Variants in SERAC1 observed in about 807,000 individuals in gnomAD.
SERAC1 encodes serine active site containing 1.
SERAC1 carries 36 observed loss-of-function variants against 85.7 expected under a neutral mutation model. The observed-to-expected ratio is 0.42, with a 90% CI of 0.32 to 0.55. SERAC1 has a LOEUF of 0.55. Ranked by LOEUF, SERAC1 falls within the 20% of genes least tolerant of loss-of-function variation. SERAC1 has a pLI of 0.11. For synonymous variants in SERAC1, 242 were observed against 265.3 expected (o/e 0.91, Z 0.85); for missense variants, 629 against 796.2 (o/e 0.79, Z 2.53).
chr6:158,165,681 G>T (rs1027992062), intron 1 of SERAC1, among the ~76,000 whole-genome samples: 2 of 152,102 alleles, frequency 1.3e-5, no homozygotes, highest in Non-Finnish European at 2.9e-5. Flanking sequence ...ATTGTAAATG[G>T]TAAATGATCT....
intron 1 of SERAC1, among the ~76,000 whole-genome samples, chr6:158,163,302 C>T (rs576874291): frequency 8.5e-5 from 13 of 152,280 alleles, no homozygotes; most frequent in Admixed American, 2.6e-4. Context: ...TTCCTTTACA[C>T]GAGATATATG....
At chr6:158,121,131 C>T (rs1784412054) in intron 10 of SERAC1, among the ~76,000 whole-genome samples, 1 of 151,652 alleles carries the variant, frequency 6.6e-6, no homozygotes, top group Admixed American at 6.6e-5. Flanking sequence ...GCTATGATTT[C>T]TTTTTTTTAA....
At chr6:158,161,049 G>C (rs988912451) in intron 1 of SERAC1, 13 of 152,118 alleles carry the variant, frequency 8.5e-5, no homozygotes, top group Admixed American at 7.9e-4. Context: ...CTCTCAGCAT[G>C]TCTAAAAATG....
chr6:158,143,979 A>G (rs914646092), intron 7 of SERAC1, among the ~76,000 whole-genome samples: 1 of 152,192 alleles, frequency 6.6e-6, no homozygotes, highest in Non-Finnish European at 1.5e-5. Flanking sequence ...CAAAATGTCA[A>G]TAGTGTTGAG....
At chr6:158,143,351 A>C (rs71551125) in intron 7 of SERAC1, among the ~76,000 whole-genome samples, 167 bp from the exon 8 acceptor site, 3,753 of 33,878 alleles carry the variant, frequency 0.11, 63 homozygotes, top group Non-Finnish European at 0.13. Context: ...CTCTCTCTAT[A>C]TATATATATA....
intron 10 of SERAC1, among the ~76,000 whole-genome samples, chr6:158,121,639 C>A (rs183975378): frequency 2.8e-4 from 42 of 152,224 alleles, no homozygotes; most frequent in African/African-American, 9.4e-4. Flanking sequence ...AAAGAAGCTT[C>A]AGACTCAGTA....
chr6:158,144,529 A>G lies in SERAC1; in HGVS notation c.488-109T>C, dbSNP rs954932020. On this transcript the variant is annotated intron_variant, in intron 6 of 16. Coordinates refer to ENST00000647468, the MANE Select transcript of SERAC1 (RefSeq NM_032861.4). ...CACTCTAATTTTTAAACTGCTCTGC[A>G]AATTTGTAATCCAAAATTTCCCAAG... 4 of 1,059,404 alleles carry G rather than the reference A, an allele frequency of 3.8e-6. No individual in the cohort carries two copies. In the African/African-American group the frequency reaches 6.4e-5, roughly 17 times the overall value. 65.6% of individuals were successfully genotyped at this position (1,059,404 alleles called of 1,614,324 possible).
chr6:158,127,321 G>A (rs1485801165), intron 10 of SERAC1, among the ~76,000 whole-genome samples: 2 of 3,652 alleles, frequency 5.5e-4, no homozygotes, highest in Admixed American at 4.5e-3. Flanking sequence ...GCCCCTACTG[G>A]GAAGTGAGGA....
chr6:158,159,800 A>AT (rs1562461799), intron 1 of SERAC1, among the ~76,000 whole-genome samples: 1 of 151,812 alleles, frequency 6.6e-6, no homozygotes, highest in African/African-American at 2.4e-5. Context: ...AATTTTTTGT[A>AT]TTTTTTGTAG....
intron 8 of SERAC1, among the ~76,000 whole-genome samples, chr6:158,137,053 G>A (rs1251760647): frequency 6.6e-6 from 1 of 151,930 alleles, no homozygotes; most frequent in African/African-American, 2.4e-5. Context: ...AGCTACTTGG[G>A]AGGCTGAGGC....
rs1056959050 is a variant in SERAC1, at chr6:158,113,206, G to A, written c.1828+243C>T. 1.9e-4 allele frequency: 84 copies of A among 443,950 alleles called. No individual in the cohort carries two copies. The Middle Eastern group carries it at 4.1e-3, about 21-fold the overall frequency. The allele number at this position is 443,950 out of a possible 1,614,324, so 27.5% of individuals were successfully genotyped here. ...GAGTTCACTGTTGATGCCTAACTTA[G>A]AGTTAGCCAATTAACCCTTCTCATC... On this transcript the variant is annotated intron_variant, in intron 16 of 16. Coordinates refer to ENST00000647468, the MANE Select transcript of SERAC1 (RefSeq NM_032861.4).
chr6:158,155,009 CTGATT>C (rs1785295829), intron 3 of SERAC1, among the ~76,000 whole-genome samples: 1 of 151,924 alleles, frequency 6.6e-6, no homozygotes, highest in Non-Finnish European at 1.5e-5. Context: ...GAGTGAGTGC[CTGATT>C]TAAGTGTGTC....
At chr6:158,154,159 C>CAAAAAAAAA (rs3041474) in intron 3 of SERAC1, among the ~76,000 whole-genome samples, 3 of 66,052 alleles carry the variant, frequency 4.5e-5, no homozygotes, top group Non-Finnish European at 8.7e-5. Context: ...AACTCTGTCT[C>CAAAAAAAAA]AAAAAAAAAA....
chr6:158,165,639 A>G (rs1258225741), intron 1 of SERAC1, among the ~76,000 whole-genome samples: 1 of 152,164 alleles, frequency 6.6e-6, no homozygotes, highest in African/African-American at 2.4e-5. Context: ...AATCTTCTCC[A>G]TCACTATCCA....
At position 158,128,122 on chromosome 6, in the gene SERAC1, GA is replaced by G; in HGVS notation, c.1000del (p.Ser334LeufsTer2). On this transcript the variant is annotated frameshift_variant, in exon 10 of 17. Coordinates refer to ENST00000647468, the MANE Select transcript of SERAC1 (RefSeq NM_032861.4). LOFTEE classifies it high-confidence loss of function. Reference protein sequence around the residue: ...NMALNEHLHSSIVRSGWVSIM... With the variant: ...NMALNEHLHSXIVRSGWVSIM... ...AAAGCTGTTACCTGAGCGAACTATA[GA>G]AGAATGAAGATGTTCATTCAAAGCC... 6.2e-7 allele frequency: 1 copy of G among 1,612,356 alleles called. No homozygotes were observed. Among genetic ancestry groups the G allele is most frequent in the South Asian group, 1.1e-5 (1 of 91,014 alleles).
rs115459512 is a variant in SERAC1 at position 158,117,734 on chromosome 6, T to A, written c.1396A>T (p.Met466Leu). ...SLSDWRARCP[M>L]ERKSIAFRSN... ...TAAAGTCGCCTCTGTTACCTTTCCA[T>A]AGGGCACCTTGCTCTCCAGTCGCTG... Residue 466 changes from methionine (M) to leucine (L), a missense_variant, in exon 13 of 17, where the codon ATG (methionine) becomes TTG (leucine). Transcript: ENST00000647468. The surrounding 1 kb of genome is among the most constrained non-coding windows in gnomAD (Gnocchi z 4.3). The A allele has an allele frequency of 1.3e-3, 2,079 of 1,614,084 alleles. 25 individuals are homozygous for A. In the African/African-American group the frequency reaches 0.024, roughly 19 times the overall value.
Position 158,113,433 on chromosome 6 carries a change from T to A in SERAC1, c.1828+16A>T. 1 of 1,602,568 alleles carries A rather than the reference T, an allele frequency of 6.2e-7. No individual in the cohort carries two copies. Among genetic ancestry groups the A allele is most frequent in the Non-Finnish European group, 8.5e-7 (1 of 1,172,326 alleles). ...TTAAGCATCTAACAGCCAACAAGTT[T>A]CAAAAGAGTGAATACCTGCTGATTC... On this transcript the variant is annotated intron_variant, in intron 16 of 16. Coordinates refer to ENST00000647468, the MANE Select transcript of SERAC1 (RefSeq NM_032861.4).
chr6:158,134,136 T>C (rs1048475502), intron 8 of SERAC1, among the ~76,000 whole-genome samples: 2 of 152,240 alleles, frequency 1.3e-5, no homozygotes, highest in African/African-American at 4.8e-5. Context: ...CTAGCAACAA[T>C]GGTTTGAGAT....
chr6:158,156,988 C>CTATAT (rs1785368234), intron 2 of SERAC1, among the ~76,000 whole-genome samples: 1 of 97,978 alleles, frequency 1.0e-5, no homozygotes, highest in Non-Finnish European at 2.1e-5. Context: ...ATAATAAATA[C>CTATAT]ATATAAACTA....
Sources: allele counts gnomAD v4.1 joint callset (sites outside exome capture counted in the v4.1 genomes callset), GRCh38; gene constraint gnomAD v4.1.1; non-coding constraint Gnocchi (gnomAD v3.1); transcripts MANE v1.5; gene names NCBI Gene and HGNC (gene_info 2026-07-23, HGNC 2026-07-21).